Variants in RELN observed in about 807,000 individuals in gnomAD.
RELN encodes reelin.
A neutral mutation model predicts 427.6 loss-of-function variants in RELN; 108 were observed. The ratio of observed to expected loss-of-function variants is 0.25; its 90% CI spans 0.22 to 0.30. The LOEUF (loss-of-function observed/expected upper bound fraction) is 0.30. RELN is among the 10% of genes least tolerant of loss of function. The pLI is 1.00. For synonymous variants in RELN, 1,524 were observed against 1,513.4 expected (o/e 1.01, Z -0.16); for missense variants, 3,715 against 4,302.8 (o/e 0.86, Z 3.82).
At chr7:103,742,454 G>A (rs1045954067) in intron 6 of RELN, among the ~76,000 whole-genome samples, 5 of 152,088 alleles carry the variant, frequency 3.3e-5, no homozygotes, top group South Asian at 2.1e-4. Flanking sequence ...GGCTTCAGAC[G>A]ATCAAACTAC....
chr7:103,604,235 A>C, intron 23 of RELN, 111 bp downstream of exon 23: 1 of 1,244,420 alleles, frequency 8.0e-7, no homozygotes, highest in African/African-American at 1.5e-5. Flanking sequence ...TCTTTTGGCT[A>C]TGTCATTATT....
intron 20 of RELN, among the ~76,000 whole-genome samples, chr7:103,628,688 A>G (rs1280783771): frequency 6.6e-6 from 1 of 152,238 alleles, no homozygotes; most frequent in African/African-American, 2.4e-5. Context: ...TGGAGGCAAC[A>G]GTGGTGAATA....
rs749906768 is a variant in RELN, at chr7:103,561,970, A to C, written c.5211-17T>G. Reference sequence around the variant, plus strand: ...CTGGGAGAACTAACCAAAAAAAAAAAAAAAAAAACACACCACTGGTTTGAC... The same window carrying C: ...CTGGGAGAACTAACCAAAAAAAAAACAAAAAAAACACACCACTGGTTTGAC... On this transcript the variant is annotated splice_polypyrimidine_tract_variant and intron_variant, in intron 34 of 64. Transcript: ENST00000428762. 6.2e-7 allele frequency: 1 copy of C among 1,605,300 alleles called. No individual in the cohort carries two copies. The highest frequency in any genetic ancestry group is 8.5e-7 in the Non-Finnish European group (1 of 1,175,312).
intron 17 of RELN, among the ~76,000 whole-genome samples, chr7:103,637,120 T>A (rs1322118323): frequency 6.6e-6 from 1 of 152,180 alleles, no homozygotes; most frequent in Non-Finnish European, 1.5e-5. Flanking sequence ...GAATGTGCTG[T>A]ATTTATATTA....
At chr7:103,476,483 A>C (rs987758558) in intron 64 of RELN, among the ~76,000 whole-genome samples, 5 of 152,170 alleles carry the variant, frequency 3.3e-5, no homozygotes, top group Non-Finnish European at 7.4e-5. Context: ...TCTGTCTCAA[A>C]AAACAAACAA....
intron 1 of RELN, among the ~76,000 whole-genome samples, chr7:103,976,965 A>G (rs1469597060): frequency 6.6e-6 from 1 of 151,940 alleles, no homozygotes; most frequent in Non-Finnish European, 1.5e-5. Flanking sequence ...GGTTGGGAGG[A>G]TCACTTGAGC....
In RELN at chr7:103,675,648, C is replaced by T. The variant is rs1358234864; in HGVS notation, c.1289+6468G>A. On this transcript the variant is annotated intron_variant, in intron 11 of 64. Coordinates refer to ENST00000428762, the MANE Select transcript of RELN (RefSeq NM_005045.4). Reference sequence around the variant, plus strand: ...TCTGACTTCAAACTATACTACAAGGCTGCAGTAACCAAAACAGCATGGTAC... The same window carrying T: ...TCTGACTTCAAACTATACTACAAGGTTGCAGTAACCAAAACAGCATGGTAC... Among the ~76,000 whole-genome samples the T allele has an allele frequency of 6.6e-5, 10 of 152,324 alleles. No homozygotes were observed. The East Asian group carries it at 1.5e-3, about 23-fold the overall frequency.
intron 2 of RELN, among the ~76,000 whole-genome samples, chr7:103,841,867 T>C (rs937242360): frequency 1.1e-4 from 17 of 152,280 alleles, no homozygotes; most frequent in African/African-American, 4.1e-4. Context: ...ATTACTCAAA[T>C]CTCTTTAGTT....
intron 60 of RELN, among the ~76,000 whole-genome samples, chr7:103,488,944 T>C (rs1039898977): frequency 2.0e-5 from 3 of 152,222 alleles, no homozygotes; most frequent in African/African-American, 7.2e-5. Context: ...TCAAAGAAGA[T>C]TTATTAGCAT....
intron 28 of RELN, among the ~76,000 whole-genome samples, chr7:103,582,757 C>A (rs1831182351): frequency 6.6e-6 from 1 of 152,144 alleles, no homozygotes; most frequent in Non-Finnish European, 1.5e-5. Context: ...ACAGAATGAC[C>A]TCCAAGAACT....
At chr7:103,888,422 C>G (rs1794772194) in intron 2 of RELN, among the ~76,000 whole-genome samples, 1 of 152,138 alleles carries the variant, frequency 6.6e-6, no homozygotes, top group Non-Finnish European at 1.5e-5. Flanking sequence ...AGATTGGCCA[C>G]TGAAAGCCAC....
chr7:103,642,616 G>A (rs1832717283), intron 16 of RELN, among the ~76,000 whole-genome samples: 1 of 152,058 alleles, frequency 6.6e-6, no homozygotes, highest in African/African-American at 2.4e-5. Context: ...AGGATGTGTA[G>A]TGAACACTTT....
chr7:103,702,314 A>C (rs964214896), intron 8 of RELN, among the ~76,000 whole-genome samples: 1 of 152,244 alleles, frequency 6.6e-6, no homozygotes, highest in Non-Finnish European at 1.5e-5. Context: ...ATTTAGAAGG[A>C]AAGTTCAAAT....
intron 3 of RELN, among the ~76,000 whole-genome samples, chr7:103,800,691 C>T (rs1383045968): frequency 6.6e-6 from 1 of 152,172 alleles, no homozygotes; most frequent in Non-Finnish European, 1.5e-5. Flanking sequence ...ATGTCTAAAA[C>T]ACCAAAAGCA....
At position 103,561,428 on chromosome 7, in the gene RELN, T is replaced by C. The variant is rs190417865; in HGVS notation, c.5529+104A>G. On this transcript the variant is annotated intron_variant, in intron 36 of 64. Transcript: ENST00000428762. ...AAAGTCAATAACTATGTATTAAATA[T>C]TATGTCATTTGAAGAGATTCAGAAA... 8,447 of 948,354 alleles carry C rather than the reference T, an allele frequency of 8.9e-3. 66 individuals are homozygous for C. Among genetic ancestry groups the C allele is most frequent in the South Asian group, 0.011 (865 of 76,612 alleles). The allele number at this position is 948,354 out of a possible 1,614,324, so 58.7% of individuals were successfully genotyped here.
At chr7:103,806,001 A>G (rs779663468) in intron 3 of RELN, among the ~76,000 whole-genome samples, 63 of 152,206 alleles carry the variant, frequency 4.1e-4, no homozygotes, top group Non-Finnish European at 8.8e-4. Flanking sequence ...AAGTAAGGAG[A>G]AGTCAAGCTT....
rs529801155 is a variant in RELN, at chr7:103,589,623, A to T, written c.4118T>A (p.Ile1373Asn). The change falls in exon 28 of 65, where the codon ATT (isoleucine) becomes AAT (asparagine). Residue 1373 changes from isoleucine (I) to asparagine (N), a missense_variant. By Grantham distance (149) the Ile-to-Asn change is moderately radical (BLOSUM62 -3). Coordinates refer to ENST00000428762, the MANE Select transcript of RELN (RefSeq NM_005045.4). ...GGATGCAAGAGACCTTGGAATAACA[A>T]TGGTGATTCTTGTCCATTCTTCAAA... The part of the protein sequence containing the change: ...GDFEEWTRIT[I>N]VIPRSLASSK... The T allele has an allele frequency of 3.7e-6, 6 of 1,613,592 alleles. No homozygotes were observed. In the Admixed American group the frequency reaches 5.0e-5, roughly 13 times the overall value.
At chr7:103,803,588 C>T (rs371285783) in intron 3 of RELN, among the ~76,000 whole-genome samples, 3 of 152,038 alleles carry the variant, frequency 2.0e-5, no homozygotes, top group African/African-American at 7.2e-5. Flanking sequence ...TTATGTTATA[C>T]TCTATGGGGG....
chr7:103,712,312 AT>A (rs749127213), intron 8 of RELN, among the ~76,000 whole-genome samples: 2 of 152,188 alleles, frequency 1.3e-5, no homozygotes, highest in Non-Finnish European at 2.9e-5. Context: ...TGTTCTTTCC[AT>A]CCCTCTTGAG....
Sources: allele counts gnomAD v4.1 joint callset (sites outside exome capture counted in the v4.1 genomes callset), GRCh38; gene constraint gnomAD v4.1.1; transcripts MANE v1.5; gene names NCBI Gene and HGNC (gene_info 2026-07-23, HGNC 2026-07-21).